The following FHIP2A variants were observed in gnomAD, a reference collection of about 807,000 sequenced individuals.
FHIP2A encodes family with sequence similarity 160 member B1.
FHIP2A carries 46 observed loss-of-function variants against 93.5 expected under a neutral mutation model. The ratio of observed to expected loss-of-function variants is 0.49; its 90% CI spans 0.39 to 0.63. FHIP2A has a LOEUF of 0.63. FHIP2A is among the 20% of genes least tolerant of loss of function. FHIP2A has a pLI of 0.00. For synonymous variants in FHIP2A, 332 were observed against 326.5 expected (o/e 1.02, Z -0.18); for missense variants, 769 against 909.7 (o/e 0.85, Z 1.99).
intron 5 of FHIP2A, among the ~76,000 whole-genome samples, chr10:114,838,396 T>C (rs1211042423): frequency 6.6e-6 from 1 of 152,216 alleles, no homozygotes; most frequent in Non-Finnish European, 1.5e-5. Context: ...TCGTGTGTTG[T>C]TCGTGATGTG....
Position 114,846,284 on chromosome 10 carries a change from A to G in FHIP2A, c.1315A>G (p.Arg439Gly), listed in dbSNP as rs1245079404. The change falls in exon 10 of 17, where the codon AGG (arginine) becomes GGG (glycine). Residue 439 changes from arginine to glycine, a missense_variant. Transcript: ENST00000369248. ...EMVFFILGEQREPETLAEISR... is the reference protein window; with the variant it reads ...EMVFFILGEQGEPETLAEISR... ...GGTGTTTTTTATCCTTGGAGAACAG[A>G]GGGAACCAGAAACTCTGGCAGAAAT... 6.2e-7 allele frequency: 1 copy of G among 1,614,052 alleles called. No individual in the cohort carries two copies. Among genetic ancestry groups the G allele is most frequent in the Non-Finnish European group, 8.5e-7 (1 of 1,180,022 alleles).
intron 7 of FHIP2A, among the ~76,000 whole-genome samples, chr10:114,845,126 C>T (rs1008498846): frequency 1.3e-5 from 2 of 152,078 alleles, no homozygotes; most frequent in African/African-American, 4.8e-5. Context: ...CAGTTCCATT[C>T]TGCTTTAACC....
chr10:114,899,541 T>C (rs550477376), exon 17 of FHIP2A: 2 of 717,826 alleles, frequency 2.8e-6, no homozygotes, highest in South Asian at 3.0e-5. Flanking sequence ...TCTTATGTCC[T>C]CAAAGCTTCA....
Position 114,855,268 on chromosome 10 carries a change from T to G in FHIP2A, c.1875T>G (p.Asn625Lys). ...PGSPKALEKCNLEAAFFEGHF... is the reference protein window; with the variant it reads ...PGSPKALEKCKLEAAFFEGHF... ...CTCCAAAAGCATTGGAAAAGTGCAATTTAGAAGCTGCTTTCTTTGAAGGTC... is the reference window on the plus strand; with the variant it reads ...CTCCAAAAGCATTGGAAAAGTGCAAGTTAGAAGCTGCTTTCTTTGAAGGTC... Residue 625 changes from asparagine (N) to lysine (K), a missense_variant, in exon 14 of 17, where the codon AAT becomes AAG. Physicochemically the swap from Asn to Lys is moderately conservative, Grantham distance 94. Transcript: ENST00000369248. 6.2e-7 allele frequency: 1 copy of G among 1,614,062 alleles called. No homozygotes were observed. The highest frequency in any genetic ancestry group is 8.5e-7 in the Non-Finnish European group (1 of 1,179,928).
chr10:114,854,062 T>C (rs756274341), intron 13 of FHIP2A, among the ~76,000 whole-genome samples: 1 of 152,222 alleles, frequency 6.6e-6, no homozygotes, highest in Non-Finnish European at 1.5e-5. Context: ...AATTCATTTT[T>C]ATTATATGAA....
chr10:114,856,839 CAA>C (rs1269255606), intron 14 of FHIP2A, among the ~76,000 whole-genome samples: 2 of 152,148 alleles, frequency 1.3e-5, no homozygotes, highest in Non-Finnish European at 2.9e-5. Context: ...GTATCATAGG[CAA>C]GAGAGATTTC....
At chr10:114,827,221 C>G (rs1171531504) in intron 1 of FHIP2A, among the ~76,000 whole-genome samples, 1 of 152,180 alleles carries the variant, frequency 6.6e-6, no homozygotes, top group African/African-American at 2.4e-5. Flanking sequence ...AGGTTTATCA[C>G]AAGAGTTTAA....
chr10:114,861,416 T>C lies in FHIP2A; in HGVS notation c.2193-19T>C. On this transcript the variant is annotated intron_variant, in intron 16 of 16. Transcript: ENST00000369248. ...GCTGCTATCTTGAATTGATTTATTG[T>C]CTGTTTTTTCCTTACCAGTATTGAC... is the stretch of plus-strand genomic sequence containing the variant. The C allele has an allele frequency of 5.0e-6, 8 of 1,613,942 alleles. No homozygotes were observed. The highest frequency in any genetic ancestry group is 6.8e-6 in the Non-Finnish European group (8 of 1,179,922).
intron 1 of FHIP2A, among the ~76,000 whole-genome samples, chr10:114,822,757 G>A (rs994515848): frequency 6.6e-6 from 1 of 152,148 alleles, no homozygotes; most frequent in Non-Finnish European, 1.5e-5. Context: ...GAGTTTGGAG[G>A]GTCCAGTCGA....
chr10:114,869,780 A>G (rs974714072), intron 16 of FHIP2A, among the ~76,000 whole-genome samples: 26 of 152,248 alleles, frequency 1.7e-4, no homozygotes, highest in African/African-American at 6.3e-4. Flanking sequence ...GCAAACGTGC[A>G]TAGCAATTTC....
At chr10:114,827,818 G>GT in intron 1 of FHIP2A, among the ~76,000 whole-genome samples, 1 of 141,180 alleles carries the variant, frequency 7.1e-6, no homozygotes, top group Non-Finnish European at 1.5e-5. Context: ...AAAAAAAAGA[G>GT]TATCAAGGCA....
At chr10:114,882,662 C>T (rs1369440734) in intron 16 of FHIP2A, among the ~76,000 whole-genome samples, 1 of 152,126 alleles carries the variant, frequency 6.6e-6, no homozygotes, top group Non-Finnish European at 1.5e-5. Flanking sequence ...CACTTGAGGT[C>T]AGGAGTTTGA....
chr10:114,861,007 AATT>A (rs1255463768), intron 15 of FHIP2A, 118 bp downstream of exon 15: 37 of 1,096,568 alleles, frequency 3.4e-5, no homozygotes, highest in Admixed American at 6.4e-5. Flanking sequence ...GCTTAAAAGT[AATT>A]ATTATACATT....
At chr10:114,868,265 G>A (rs964436061), downstream of FHIP2A, among the ~76,000 whole-genome samples, 2 of 151,912 alleles carry the variant, frequency 1.3e-5, no homozygotes, top group South Asian at 2.1e-4. Context: ...AGTGGCAGGC[G>A]ACCACCTGAG....
At chr10:114,898,992 A>T (rs1293066302) in intron 16 of FHIP2A, among the ~76,000 whole-genome samples, 3 of 152,186 alleles carry the variant, frequency 2.0e-5, no homozygotes, top group African/African-American at 7.2e-5. Context: ...GTATACTGAC[A>T]TGTGCCCCTG....
At chr10:114,886,975 G>C (rs1322175180) in intron 16 of FHIP2A, among the ~76,000 whole-genome samples, 1 of 152,170 alleles carries the variant, frequency 6.6e-6, no homozygotes. Flanking sequence ...AAGTAAAGAA[G>C]TTTCATGAGA....
At chr10:114,830,982 A>G in intron 2 of FHIP2A, 52 bp downstream of exon 2, 1 of 1,040,226 alleles carries the variant, frequency 9.6e-7, no homozygotes, top group Non-Finnish European at 1.4e-6. Context: ...TAAACAGAAA[A>G]TTTGTGAAAT....
chr10:114,896,716 T>C (rs553195499), intron 16 of FHIP2A, among the ~76,000 whole-genome samples: 113 of 152,336 alleles, frequency 7.4e-4, no homozygotes, highest in Middle Eastern at 3.4e-3. Context: ...TTGATTGATG[T>C]CTCCTGTCTC....
intron 1 of FHIP2A, 33 bp downstream of exon 1, chr10:114,822,156 C>T (rs910358631): frequency 4.0e-6 from 5 of 1,256,606 alleles, no homozygotes; most frequent in African/African-American, 3.1e-5. Flanking sequence ...CACGGCAGGC[C>T]GGGGATGGCG....
Sources: gnomAD v4.1 joint callset for allele counts (sites outside exome capture counted in the v4.1 genomes callset) on GRCh38, gnomAD v4.1.1 for gene constraint, MANE v1.5 for transcripts, NCBI Gene and HGNC (gene_info 2026-07-23, HGNC 2026-07-21) for gene names.